Variants in ZNF107 observed in about 807,000 individuals in gnomAD.
ZNF107 encodes C2H2 type zinc-finger protein.
ZNF107 carries 19 observed loss-of-function variants against 12.3 expected under a neutral mutation model. The observed-to-expected ratio is 1.55, with a 90% CI of 1.08 to 2.27. The LOEUF is 2.27. ZNF107 is among the 30% of genes most tolerant of loss of function. The pLI is 0.00. For synonymous variants in ZNF107, 317 were observed against 330.5 expected (o/e 0.96, Z 0.44); for missense variants, 958 against 979.9 (o/e 0.98, Z 0.30).
rs77997782 is a variant in ZNF107 at position 64,685,671 on chromosome 7, G to A, written c.4-5577G>A. ...GGGCCGCCTTGGCAAGTACCCTAGG[G>A]GTGTGGGAAAATGAAAACAAATTCA... On this transcript the variant is annotated intron_variant, in intron 1 of 3. Coordinates refer to ENST00000620827, the MANE Select transcript of ZNF107 (RefSeq NM_001282359.2). Among the ~76,000 whole-genome samples, 752 of 152,168 alleles carry A rather than the reference G, an allele frequency of 4.9e-3. 8 individuals carry two copies. Among genetic ancestry groups the A allele is most frequent in the African/African-American group, 0.017 (713 of 41,486 alleles).
intron 1 of ZNF107, among the ~76,000 whole-genome samples, chr7:64,668,017 C>G (rs573243524): frequency 6.6e-6 from 1 of 150,588 alleles, no homozygotes; most frequent in South Asian, 2.1e-4. Context: ...ATGAAATGCA[C>G]TTGGAGTAGT....
At chr7:64,701,169 ATGTCTAAT>A (rs2128966526) in intron 3 of ZNF107, among the ~76,000 whole-genome samples, 1 of 152,338 alleles carries the variant, frequency 6.6e-6, no homozygotes, top group African/African-American at 2.4e-5. Context: ...AAAGCATATT[ATGTCTAAT>A]ATAATTATGA....
At chr7:64,690,626 TA>T (rs1319405521) in intron 1 of ZNF107, 2 of 777,238 alleles carry the variant, frequency 2.6e-6, no homozygotes. Context: ...GCAGATCCAG[TA>T]GTTTCCCACA....
intron 3 of ZNF107, among the ~76,000 whole-genome samples, chr7:64,699,149 TAAA>T (rs1790388630): frequency 6.6e-6 from 1 of 151,930 alleles, no homozygotes; most frequent in Non-Finnish European, 1.5e-5. Flanking sequence ...TAGTTTATAA[TAAA>T]AATTTAAAAT....
At chr7:64,671,216 A>G (rs1020676245) in intron 1 of ZNF107, among the ~76,000 whole-genome samples, 3 of 151,968 alleles carry the variant, frequency 2.0e-5, no homozygotes, top group African/African-American at 7.3e-5. Context: ...GTGAGAGAGG[A>G]CTGAAAACTT....
chr7:64,687,703 A>C (rs1789971010), intron 1 of ZNF107: 4 of 410,474 alleles, frequency 9.7e-6, no homozygotes, highest in Non-Finnish European at 1.3e-5. Flanking sequence ...ATGTGCTGTA[A>C]ATTTTTCTAC....
Position 64,691,122 on chromosome 7 carries a change from T to C in ZNF107, c.4-126T>C, listed in dbSNP as rs532849831. On this transcript the variant is annotated intron_variant, in intron 1 of 3. Transcript: ENST00000620827. ...CTCTTGACCTCGTGATTTGCCTGCC[T>C]TGGCCTCCCAAAGTGCTGGGATTAC... The C allele has an allele frequency of 3.9e-5, 38 of 967,382 alleles. No homozygotes were observed. In the African/African-American group the frequency reaches 6.0e-4, roughly 15 times the overall value. 59.9% of individuals were successfully genotyped at this position (967,382 alleles called of 1,614,324 possible). A position where few individuals can be genotyped will look rare whatever the true frequency, so the allele number is the denominator to read the frequency against.
intron 1 of ZNF107, among the ~76,000 whole-genome samples, chr7:64,667,994 A>G (rs1260090755): frequency 6.6e-6 from 1 of 151,772 alleles, no homozygotes; most frequent in East Asian, 1.9e-4. Context: ...GAGATGGTAC[A>G]AGAACTTGCA....
At chr7:64,681,384 T>C (rs1036019841) in intron 1 of ZNF107, among the ~76,000 whole-genome samples, 1 of 151,978 alleles carries the variant, frequency 6.6e-6, no homozygotes, top group African/African-American at 2.4e-5. Context: ...TCAGCACTCC[T>C]TTTTGCACTC....
rs1403297307 is a variant in ZNF107 at position 64,709,611 on chromosome 7, C to A, written c.*955C>A. On this transcript the variant is annotated 3_prime_UTR_variant, in exon 4 of 4. Transcript: ENST00000620827. ...TAAGAATCCATACTGAAGAAAACTC[C>A]TGGAAGTGTAAAAAATGTGGCAACA... 6.9e-6 allele frequency: 3 copies of A among 437,264 alleles called. No individual in the cohort carries two copies. The highest frequency in any genetic ancestry group is 1.4e-5 in the Non-Finnish European group (3 of 221,826). The allele number at this position is 437,264 out of a possible 1,614,324, so 27.1% of individuals were successfully genotyped here.
intron 1 of ZNF107, among the ~76,000 whole-genome samples, chr7:64,688,865 C>T (rs1790017571): frequency 6.6e-6 from 1 of 152,068 alleles, no homozygotes; most frequent in African/African-American, 2.4e-5. Flanking sequence ...TAACCCACAC[C>T]CTATAGCTTA....
Position 64,707,621 on chromosome 7 carries a change from C to G in ZNF107, c.1524C>G (p.Pro508=). 1 of 1,612,642 alleles carries G rather than the reference C, an allele frequency of 6.2e-7. No individual in the cohort carries two copies. Among genetic ancestry groups the G allele is most frequent in the Non-Finnish European group, 8.5e-7 (1 of 1,179,556 alleles). ...AGAAAATTCATACTGGAGAGAAACC[C>G]TACAAATGTGAAGAATGTGACAGAG... ...RHKKIHTGEK[P]YKCEECDRAF... is the part of the protein sequence containing the mutation. The change falls in exon 4 of 4, where the codon CCC becomes CCG. Residue 508 remains proline, a synonymous_variant. Transcript: ENST00000620827.
chr7:64,680,834 G>A lies in ZNF107; in HGVS notation c.4-10414G>A, dbSNP rs181127200. ...AGGGAAGAGGCTACCTGGTGGCAGC[G>A]TGTTTCTGAATTACAGATGCTTGCC... On this transcript the variant is annotated intron_variant, in intron 1 of 3. Transcript: ENST00000620827. 4.7e-4 allele frequency among the ~76,000 whole-genome samples: 72 copies of A among 152,292 alleles called. 1 individual carries two copies. Among genetic ancestry groups the A allele is most frequent in the Admixed American group, 7.8e-4 (12 of 15,306 alleles).
In ZNF107 at chr7:64,709,014, CATAAG is replaced by C. The variant is rs1359175286; in HGVS notation, c.*363_*367del. 2.3e-6 allele frequency: 1 copy of C among 440,666 alleles called. No homozygotes were observed. The highest frequency in any genetic ancestry group is 4.4e-6 in the Non-Finnish European group (1 of 227,860). 27.3% of individuals were successfully genotyped at this position (440,666 alleles called of 1,614,324 possible). A position where few individuals can be genotyped will look rare whatever the true frequency, so the allele number is the denominator to read the frequency against. On this transcript the variant is annotated 3_prime_UTR_variant, in exon 4 of 4. Coordinates refer to ENST00000620827, the MANE Select transcript of ZNF107 (RefSeq NM_001282359.2). Reference sequence around the variant, plus strand: ...TAATCAGTCCTCACACCTTTCTACACATAAGATAATTTATACTGGAGAGGAACTCT... The same window carrying C: ...TAATCAGTCCTCACACCTTTCTACACATAATTTATACTGGAGAGGAACTCT...
chr7:64,666,317 G>T, intron 1 of ZNF107, 32 bp downstream of exon 1: 6 of 1,607,428 alleles, frequency 3.7e-6, no homozygotes, highest in Non-Finnish European at 5.1e-6. Flanking sequence ...TCCCGAGAGA[G>T]GGGGAGGGGC....
chr7:64,706,824 C>G lies in ZNF107; in HGVS notation c.727C>G (p.Gln243Glu), dbSNP rs569303211. ...ECGKAFNQSSQLTRHKIIHTE... is the reference protein window; with the variant it reads ...ECGKAFNQSSELTRHKIIHTE... ...TGGCAAAGCCTTTAACCAGTCCTCA[C>G]AACTTACTAGGCATAAGATAATTCA... The change falls in exon 4 of 4, where the codon CAA (glutamine) becomes GAA (glutamate). Residue 243 changes from glutamine to glutamate, a missense_variant. Transcript: ENST00000620827. The G allele has an allele frequency of 6.2e-7, 1 of 1,612,546 alleles. No individual in the cohort carries two copies. The highest frequency in any genetic ancestry group is 2.2e-5 in the East Asian group (1 of 44,724).
In ZNF107 at chr7:64,696,815, A is replaced by T. The variant is rs578108788; in HGVS notation, c.226+4855A>T. ...AAAATGTGACAAGATTTATTTATTT[A>T]TTTATTTTTTATTTTTTATTATACT... On this transcript the variant is annotated intron_variant, in intron 3 of 3. Transcript: ENST00000620827. 6.7e-4 allele frequency among the ~76,000 whole-genome samples: 101 copies of T among 151,874 alleles called. 1 individual carries two copies. Among genetic ancestry groups the T allele is most frequent in the South Asian group, 1.0e-3 (5 of 4,800 alleles).
chr7:64,678,457 A>G (rs1244346239), intron 1 of ZNF107, among the ~76,000 whole-genome samples: 1 of 152,226 alleles, frequency 6.6e-6, no homozygotes, highest in Non-Finnish European at 1.5e-5. Flanking sequence ...CAATTAGCAT[A>G]GTTAGGTGTA....
chr7:64,709,217 G>A lies in ZNF107; in HGVS notation c.*561G>A. On this transcript the variant is annotated 3_prime_UTR_variant, in exon 4 of 4. Coordinates refer to ENST00000620827, the MANE Select transcript of ZNF107 (RefSeq NM_001282359.2). ...TACTGGAAAGAAACCCTACAAATGT[G>A]AAGTCTGTGGCAAAGCTTTTAACTG... is the stretch of plus-strand genomic sequence containing the variant. The A allele has an allele frequency of 2.4e-6, 1 of 408,324 alleles. No individual in the cohort carries two copies. The highest frequency in any genetic ancestry group is 4.9e-6 in the Non-Finnish European group (1 of 204,582). The allele number at this position is 408,324 out of a possible 1,614,324, so 25.3% of individuals were successfully genotyped here.
Sources: allele counts gnomAD v4.1 joint callset (sites outside exome capture counted in the v4.1 genomes callset), GRCh38; gene constraint gnomAD v4.1.1; transcripts MANE v1.5; gene names NCBI Gene and HGNC (gene_info 2026-07-23, HGNC 2026-07-21).